PTPRN2: variants seen among roughly 807,000 people sequenced by gnomAD.
The protein encoded by PTPRN2 is receptor-type tyrosine-protein phosphatase N2.
A neutral mutation model predicts 118.8 loss-of-function variants in PTPRN2; 74 were observed. The observed-to-expected ratio is 0.62, with a 90% CI of 0.52 to 0.76. The LOEUF is 0.76. Ranked by LOEUF, PTPRN2 falls within the 30% of genes least tolerant of loss-of-function variation. The probability of loss-of-function intolerance (pLI) is 0.00; values close to 1 mark genes in which losing one functional copy is unlikely to be tolerated. For synonymous variants in PTPRN2, 641 were observed against 608.0 expected (o/e 1.05, Z -0.80); for missense variants, 1,481 against 1,394.4 (o/e 1.06, Z -0.99).
chr7:158,560,486 G>A (rs1827306662), intron 1 of PTPRN2, among the ~76,000 whole-genome samples: 1 of 152,284 alleles, frequency 6.6e-6, no homozygotes, highest in Non-Finnish European at 1.5e-5. Context: ...CTAGGTGAAA[G>A]TGGAACTGAT....
intron 6 of PTPRN2, among the ~76,000 whole-genome samples, chr7:158,146,704 G>C (rs767879683): frequency 1.1e-4 from 16 of 142,880 alleles, no homozygotes; most frequent in East Asian, 7.9e-4. Context: ...CTGGGCGACA[G>C]AGCGAGACTC....
chr7:157,763,726 C>T lies in PTPRN2; in HGVS notation c.1789-80789G>A, dbSNP rs1259819813. ...GAGGGCTGGTGGCTGGTCCTCTCTT[C>T]GCAGTGCAGTCACTTGCTGGAGTCT... On this transcript the variant is annotated intron_variant, in intron 12 of 22. Coordinates refer to ENST00000389418, the MANE Select transcript of PTPRN2 (RefSeq NM_002847.5). The surrounding 1 kb of genome is among the most constrained non-coding windows in gnomAD (Gnocchi z 4.9). Among the ~76,000 whole-genome samples the T allele has an allele frequency of 1.1e-4, 16 of 152,010 alleles. 1 individual carries two copies. Among genetic ancestry groups the T allele is most frequent in the Admixed American group, 9.8e-4 (15 of 15,270 alleles).
chr7:158,551,031 C>A (rs112559173), intron 1 of PTPRN2, among the ~76,000 whole-genome samples: 1 of 152,206 alleles, frequency 6.6e-6, no homozygotes, highest in African/African-American at 2.4e-5. Context: ...ACCGTGAGCA[C>A]GGGGCCCTTG....
chr7:158,320,087 A>G (rs1802855512), intron 2 of PTPRN2, among the ~76,000 whole-genome samples: 1 of 85,162 alleles, frequency 1.2e-5, no homozygotes, highest in Non-Finnish European at 2.5e-5. Context: ...CCTCCCTCAC[A>G]CACACTCACA....
At chr7:158,460,557 G>A (rs1360961689) in intron 2 of PTPRN2, among the ~76,000 whole-genome samples, 1 of 151,844 alleles carries the variant, frequency 6.6e-6, no homozygotes, top group Non-Finnish European at 1.5e-5. Flanking sequence ...CCACAGGAGG[G>A]TCATCCAGCT....
At chr7:158,548,569 T>C (rs1382074613) in intron 1 of PTPRN2, among the ~76,000 whole-genome samples, 3 of 152,216 alleles carry the variant, frequency 2.0e-5, no homozygotes, top group Non-Finnish European at 4.4e-5. Flanking sequence ...CAAGCACATT[T>C]CTTCATGACT....
In PTPRN2 at chr7:158,228,138, G is replaced by A. The variant is rs534750512; in HGVS notation, c.278-22865C>T. ...ATTTACAAAGACAGTTTAGAAACCA[G>A]ACAATAAATCAGTCTTGTTGTTATA... On this transcript the variant is annotated intron_variant, in intron 3 of 22. Transcript: ENST00000389418. Among the ~76,000 whole-genome samples the A allele has an allele frequency of 1.2e-3, 180 of 152,286 alleles. 1 individual carries two copies. The highest frequency in any genetic ancestry group is 4.3e-3 in the African/African-American group (179 of 41,574).
chr7:158,521,761 C>CA (rs1222579916), intron 1 of PTPRN2, among the ~76,000 whole-genome samples: 3 of 98,080 alleles, frequency 3.1e-5, no homozygotes, highest in Admixed American at 9.3e-5. Context: ...GGTAGTGGCT[C>CA]GGGAGGGAGG....
At chr7:157,734,631 TAAAC>T (rs1043894333) in intron 12 of PTPRN2, among the ~76,000 whole-genome samples, 17 of 152,334 alleles carry the variant, frequency 1.1e-4, no homozygotes, top group African/African-American at 4.1e-4. Context: ...ACGCCCCAAA[TAAAC>T]AGTCTCTATT....
chr7:158,341,341 T>A, intron 2 of PTPRN2, among the ~76,000 whole-genome samples: 1 of 146,962 alleles, frequency 6.8e-6, no homozygotes, highest in Non-Finnish European at 1.5e-5. Context: ...ACACCCACAC[T>A]CTCACCATAA....
chr7:157,602,439 A>G (rs1267391457), intron 16 of PTPRN2, among the ~76,000 whole-genome samples: 1 of 151,974 alleles, frequency 6.6e-6, no homozygotes, highest in African/African-American at 2.4e-5. Context: ...GTCCGCCATC[A>G]GTGGCCGCTG....
intron 2 of PTPRN2, among the ~76,000 whole-genome samples, chr7:158,332,799 C>A (rs1255125912): frequency 6.6e-6 from 1 of 151,476 alleles, no homozygotes; most frequent in African/African-American, 2.4e-5. Context: ...CTGATGCCTG[C>A]AGACGTCACT....
intron 15 of PTPRN2, among the ~76,000 whole-genome samples, chr7:157,607,123 C>T (rs778524525): frequency 2.0e-5 from 3 of 152,216 alleles, no homozygotes; most frequent in Non-Finnish European, 2.9e-5. Flanking sequence ...AGCTCCTGCA[C>T]AAATTAGTTC....
chr7:157,836,381 G>C (rs1807932821), intron 12 of PTPRN2, among the ~76,000 whole-genome samples: 1 of 152,204 alleles, frequency 6.6e-6, no homozygotes, highest in Admixed American at 6.5e-5. Context: ...TAGATTTCTA[G>C]GAGTGTATCC....
intron 11 of PTPRN2, among the ~76,000 whole-genome samples, chr7:157,982,715 C>CT (rs1406395928): frequency 7.3e-6 from 1 of 136,174 alleles, no homozygotes; most frequent in Non-Finnish European, 1.6e-5. Context: ...TACCGGGTTC[C>CT]CCCCTAAACC....
chr7:157,725,010 T>C (rs1437540611), intron 12 of PTPRN2, among the ~76,000 whole-genome samples: 2 of 152,266 alleles, frequency 1.3e-5, no homozygotes, highest in Non-Finnish European at 2.9e-5. Flanking sequence ...TGTACTGATC[T>C]GAAATAAAAT....
rs1478363243 is a variant in PTPRN2, at chr7:157,813,470, G to A, written c.1788+85203C>T. On this transcript the variant is annotated intron_variant, in intron 12 of 22. Coordinates refer to ENST00000389418, the MANE Select transcript of PTPRN2 (RefSeq NM_002847.5). The surrounding 1 kb of genome is among the most constrained non-coding windows in gnomAD (Gnocchi z 4.7). ...GTGCAGCTCTCGTTAAATGGAAAAGGCCCTAATGTCATGGGAAAGTCTAAC... is the reference window on the plus strand; with the variant it reads ...GTGCAGCTCTCGTTAAATGGAAAAGACCCTAATGTCATGGGAAAGTCTAAC... 6.6e-6 allele frequency among the ~76,000 whole-genome samples: 1 copy of A among 152,170 alleles called. No homozygotes were observed. Among genetic ancestry groups the A allele is most frequent in the Non-Finnish European group, 1.5e-5 (1 of 68,044 alleles).
chr7:158,225,162 G>A (rs929546941), intron 3 of PTPRN2, among the ~76,000 whole-genome samples: 1 of 151,878 alleles, frequency 6.6e-6, no homozygotes, highest in African/African-American at 2.4e-5. Flanking sequence ...CTGGAAAATG[G>A]TTTGAGAGTT....
chr7:158,071,640 A>ATGCTCGTGGTGATGGAGG (rs1563392558), intron 11 of PTPRN2, among the ~76,000 whole-genome samples: 3 of 19,270 alleles, frequency 1.6e-4, no homozygotes, highest in African/African-American at 5.5e-4. Context: ...GGTGGTGGAG[A>ATGCTCGTGGTGATGGAGG]TGCTCGTGGT....
Sources: allele counts gnomAD v4.1 joint callset (sites outside exome capture counted in the v4.1 genomes callset), GRCh38; gene constraint gnomAD v4.1.1; non-coding constraint Gnocchi (gnomAD v3.1); transcripts MANE v1.5; gene names NCBI Gene and HGNC (gene_info 2026-07-23, HGNC 2026-07-21).